The following LAMA2 variants were observed in gnomAD, a reference collection of about 807,000 sequenced individuals.
The protein encoded by LAMA2 is laminin subunit alpha 2.
Under a neutral mutation model 364.8 loss-of-function variants are expected in LAMA2, and 269 were observed. The ratio of observed to expected loss-of-function variants is 0.74; its 90% CI spans 0.67 to 0.82. LAMA2 has a LOEUF of 0.82. Among genes scored for constraint, LAMA2 ranks in the 40% least tolerant of loss-of-function variants. LAMA2 has a pLI of 0.00. For synonymous variants in LAMA2, 1,379 were observed against 1,370.6 expected (o/e 1.01, Z -0.14); for missense variants, 3,807 against 3,873.2 (o/e 0.98, Z 0.45).
At chr6:129,364,494 T>C (rs997818919) in intron 32 of LAMA2, among the ~76,000 whole-genome samples, 6 of 152,190 alleles carry the variant, frequency 3.9e-5, no homozygotes, top group African/African-American at 1.4e-4. Flanking sequence ...TAGTTCCTGC[T>C]CCTTGGCGTG....
At chr6:129,444,780 G>A (rs905682432) in intron 44 of LAMA2, among the ~76,000 whole-genome samples, 2 of 152,156 alleles carry the variant, frequency 1.3e-5, no homozygotes, top group African/African-American at 4.8e-5. Flanking sequence ...ACCTTAAGCA[G>A]TTTAACTTTT....
chr6:129,291,697 G>A lies in LAMA2; in HGVS notation c.2833G>A (p.Gly945Ser), dbSNP rs372574661. Residue 945 changes from glycine to serine, a missense_variant, in exon 20 of 65, where the codon GGT (glycine) becomes AGT (serine). Gly to Ser is a moderately conservative substitution (Grantham distance 56). Around this residue, in one of 3 missense-constraint regions of LAMA2, gnomAD observed 3,333 missense variants for 3,345.7 expected, o/e 1.00. Transcript: ENST00000421865. ...GTGTGAGTGCAGAGCCAACGTTCAGGGTCAGAGATGTGACAAATGCAAGGT... is the reference window on the plus strand; with the variant it reads ...GTGTGAGTGCAGAGCCAACGTTCAGAGTCAGAGATGTGACAAATGCAAGGT... ...GQCECRANVQ[G>S]QRCDKCKAGT... The A allele has an allele frequency of 6.8e-6, 11 of 1,613,472 alleles. No homozygotes were observed. The African/African-American group carries it at 1.3e-4, about 20-fold the overall frequency.
At chr6:129,032,583 G>A (rs1719749905) in intron 1 of LAMA2, among the ~76,000 whole-genome samples, 1 of 152,058 alleles carries the variant, frequency 6.6e-6, no homozygotes, top group South Asian at 2.1e-4. Context: ...TTTTAACCTA[G>A]GTACAATTAT....
chr6:129,394,188 A>G (rs1222456386), intron 37 of LAMA2, among the ~76,000 whole-genome samples: 2 of 152,226 alleles, frequency 1.3e-5, no homozygotes, highest in African/African-American at 4.8e-5. Context: ...CCCAGAGACA[A>G]ATTTACCTTT....
intron 40 of LAMA2, among the ~76,000 whole-genome samples, chr6:129,422,256 C>T (rs1322363978): frequency 1.3e-5 from 2 of 151,964 alleles, no homozygotes; most frequent in African/African-American, 4.8e-5. Context: ...GACTAAGGAT[C>T]CAGGAAGAAA....
At chr6:129,377,669 C>T (rs1166818743) in intron 34 of LAMA2, among the ~76,000 whole-genome samples, 1 of 152,088 alleles carries the variant, frequency 6.6e-6, no homozygotes, top group Non-Finnish European at 1.5e-5. Flanking sequence ...TAGCAGGAAA[C>T]CATATGAGTC....
intron 8 of LAMA2, among the ~76,000 whole-genome samples, chr6:129,161,005 C>T (rs1779413153): frequency 6.6e-6 from 1 of 151,910 alleles, no homozygotes; most frequent in African/African-American, 2.4e-5. Context: ...ATTATGGATT[C>T]CTACCTTTCT....
intron 22 of LAMA2, among the ~76,000 whole-genome samples, chr6:129,306,349 T>G (rs1773873164): frequency 6.7e-6 from 1 of 149,718 alleles, no homozygotes; most frequent in Admixed American, 6.6e-5. Flanking sequence ...AGAAAGGTGT[T>G]TTTTTTTTTT....
Position 129,219,901 on chromosome 6 carries a change from AT to A in LAMA2, c.1782+27049del, listed in dbSNP as rs541222761. ...GAGTTAATGGGTGCAGCACACCAGC[AT>A]GGCACATGTATACATATGTAACTAA... On this transcript the variant is annotated intron_variant, in intron 12 of 64. Transcript: ENST00000421865. Among the ~76,000 whole-genome samples, 105 of 151,314 alleles carry A rather than the reference AT, an allele frequency of 6.9e-4. 1 individual carries two copies. The highest frequency in any genetic ancestry group is 6.8e-3 in the East Asian group (35 of 5,156).
chr6:129,291,799 C>T (rs531364536), intron 20 of LAMA2, 79 bp downstream of exon 20: 2 of 894,780 alleles, frequency 2.2e-6, no homozygotes, highest in South Asian at 2.8e-5. Flanking sequence ...TTTTGTATAC[C>T]TTCGTATATT....
chr6:128,929,111 C>T lies in LAMA2; in HGVS notation c.112+45754C>T. 4.2e-6 allele frequency: 6 copies of T among 1,444,628 alleles called. No homozygotes were observed. The South Asian group carries it at 4.6e-5, about 11-fold the overall frequency. The allele number at this position is 1,444,628 out of a possible 1,614,324, so 89.5% of individuals were successfully genotyped here. ...CACTGTGGACCGCAGCAGCGTTTTC[C>T]CGTACAGATCCAAAAACTCTGGATA... is the stretch of plus-strand genomic sequence containing the variant. On this transcript the variant is annotated intron_variant, in intron 1 of 64. Coordinates refer to ENST00000421865, the MANE Select transcript of LAMA2 (RefSeq NM_000426.4).
chr6:129,496,220 G>T (rs1014112888), intron 58 of LAMA2, among the ~76,000 whole-genome samples: 1 of 152,160 alleles, frequency 6.6e-6, no homozygotes, highest in Non-Finnish European at 1.5e-5. Context: ...AGGCTGGAGT[G>T]TAATGTCACA....
intron 12 of LAMA2, among the ~76,000 whole-genome samples, chr6:129,200,122 G>GTGTA (rs1345162182): frequency 9.7e-6 from 1 of 102,630 alleles, no homozygotes; most frequent in Non-Finnish European, 2.0e-5. Context: ...GTATATATAT[G>GTGTA]TGTATATATA....
chr6:129,032,441 G>A (rs1055954244), intron 1 of LAMA2, among the ~76,000 whole-genome samples: 27 of 152,156 alleles, frequency 1.8e-4, no homozygotes, highest in African/African-American at 6.3e-4. Context: ...AAGTGAAGGA[G>A]CGTTAAGGAA....
intron 1 of LAMA2, among the ~76,000 whole-genome samples, chr6:128,992,104 C>A (rs1054523201): frequency 6.6e-6 from 1 of 152,170 alleles, no homozygotes; most frequent in Admixed American, 6.5e-5. Flanking sequence ...AGTTGCAACT[C>A]TTTCAGTTTC....
At chr6:129,056,536 G>T (rs1305614418) in intron 2 of LAMA2, among the ~76,000 whole-genome samples, 2 of 151,890 alleles carry the variant, frequency 1.3e-5, no homozygotes, top group Non-Finnish European at 2.9e-5. Flanking sequence ...GAATATTTTT[G>T]CCCTGTCTTG....
At chr6:129,036,446 A>G (rs2114744147) in intron 1 of LAMA2, among the ~76,000 whole-genome samples, 1 of 152,324 alleles carries the variant, frequency 6.6e-6, no homozygotes, top group Non-Finnish European at 1.5e-5. Flanking sequence ...TCTACTATAT[A>G]GAGAAAACAT....
chr6:129,426,477 TC>T (rs1306046084), intron 40 of LAMA2, among the ~76,000 whole-genome samples: 1 of 151,934 alleles, frequency 6.6e-6, no homozygotes, highest in East Asian at 1.9e-4. Context: ...TTTTTTTTTT[TC>T]CAAGATGAAT....
intron 41 of LAMA2, among the ~76,000 whole-genome samples, chr6:129,437,205 C>T (rs1437053093): frequency 1.3e-5 from 2 of 152,020 alleles, no homozygotes; most frequent in African/African-American, 4.8e-5. Context: ...ATTTGAATAC[C>T]ACCACTGCCA....
Sources: gnomAD v4.1 joint callset for allele counts (sites outside exome capture counted in the v4.1 genomes callset) on GRCh38, gnomAD v4.1.1 for gene constraint, gnomAD v4.1.1 regional missense constraint, MANE v1.5 for transcripts, NCBI Gene and HGNC (gene_info 2026-07-23, HGNC 2026-07-21) for gene names.